The following FRMD4A variants were observed in gnomAD, a reference collection of about 807,000 sequenced individuals.
FRMD4A encodes the protein FERM domain containing 4A, also known as FERM domain-containing protein 4A.
FRMD4A carries 29 observed loss-of-function variants against 129.1 expected under a neutral mutation model. That is an observed-to-expected ratio of 0.22 (90% CI 0.17 to 0.31). The LOEUF is 0.31. Ranked by LOEUF, FRMD4A falls within the 10% of genes least tolerant of loss-of-function variation. The pLI is 1.00. For synonymous variants in FRMD4A, 634 were observed against 571.6 expected (o/e 1.11, Z -1.56); for missense variants, 1,272 against 1,375.8 (o/e 0.92, Z 1.19).
chr10:13,951,046 A>G (rs566782308), intron 2 of FRMD4A, among the ~76,000 whole-genome samples: 2 of 152,336 alleles, frequency 1.3e-5, no homozygotes, highest in East Asian at 1.9e-4. Context: ...AAGAGAAACT[A>G]GCAATGAGAA....
intron 2 of FRMD4A, among the ~76,000 whole-genome samples, chr10:14,072,368 G>A (rs896696410): frequency 2.2e-4 from 34 of 152,178 alleles, no homozygotes; most frequent in African/African-American, 6.3e-4. Context: ...AACAACCGTG[G>A]CTATACCATT....
At chr10:14,120,427 G>A (rs1422469805) in intron 2 of FRMD4A, among the ~76,000 whole-genome samples, 3 of 152,096 alleles carry the variant, frequency 2.0e-5, no homozygotes, top group East Asian at 1.9e-4. Context: ...TAGATGCCAA[G>A]CTTCTTGGTA....
chr10:13,968,890 C>G (rs2095501300), intron 2 of FRMD4A, among the ~76,000 whole-genome samples: 1 of 152,154 alleles, frequency 6.6e-6, no homozygotes, highest in Non-Finnish European at 1.5e-5. Context: ...GGTAGCTGCT[C>G]TCTGCACTTT....
chr10:14,157,070 G>C (rs1013264895), intron 2 of FRMD4A, among the ~76,000 whole-genome samples: 6 of 152,150 alleles, frequency 3.9e-5, no homozygotes, highest in African/African-American at 1.4e-4. Context: ...ACAGAGCCTG[G>C]GGGTTCAGGT....
At chr10:13,887,203 C>T (rs150896153) in intron 2 of FRMD4A, among the ~76,000 whole-genome samples, 30 of 152,330 alleles carry the variant, frequency 2.0e-4, no homozygotes, top group African/African-American at 6.7e-4. Context: ...CAAACTGAGA[C>T]TACCACTCAT....
At chr10:13,828,011 C>T (rs1479821321) in intron 3 of FRMD4A, among the ~76,000 whole-genome samples, 2 of 152,238 alleles carry the variant, frequency 1.3e-5, no homozygotes, top group East Asian at 3.8e-4. Context: ...AGCTGCCTTG[C>T]TCAGCTGCTC....
At chr10:14,007,953 A>G (rs2095667808) in intron 2 of FRMD4A, 6 of 1,235,054 alleles carry the variant, frequency 4.9e-6, no homozygotes, top group African/African-American at 1.6e-5. Flanking sequence ...AGGAACTCCA[A>G]CTGTTCAGGA....
intron 2 of FRMD4A, among the ~76,000 whole-genome samples, chr10:13,891,987 A>C (rs1204561858): frequency 1.4e-5 from 2 of 143,794 alleles, no homozygotes; most frequent in African/African-American, 5.2e-5. Flanking sequence ...CGCCGCCGCC[A>C]CCGCCCGCCG....
At chr10:14,302,284 C>G (rs1281862519) in intron 2 of FRMD4A, among the ~76,000 whole-genome samples, 1 of 152,152 alleles carries the variant, frequency 6.6e-6, no homozygotes, top group Non-Finnish European at 1.5e-5. Flanking sequence ...CAAGTTGTAA[C>G]TGTTAAGAAC....
At chr10:14,078,689 G>A (rs991408178) in intron 2 of FRMD4A, among the ~76,000 whole-genome samples, 7 of 152,136 alleles carry the variant, frequency 4.6e-5, no homozygotes, top group Admixed American at 3.9e-4. Flanking sequence ...TAGGATGGAT[G>A]AAAAAAACGA....
intron 2 of FRMD4A, among the ~76,000 whole-genome samples, chr10:14,270,014 G>A (rs1845109261): frequency 1.3e-5 from 2 of 152,234 alleles, no homozygotes; most frequent in African/African-American, 2.4e-5. Flanking sequence ...CTGGAGCTGC[G>A]GCACCCATCT....
At chr10:13,851,853 T>C (rs1277781006) in intron 3 of FRMD4A, among the ~76,000 whole-genome samples, 2 of 150,878 alleles carry the variant, frequency 1.3e-5, no homozygotes, top group African/African-American at 2.4e-5. Context: ...TGAGCTGAGA[T>C]TGCACCACTT....
intron 14 of FRMD4A, among the ~76,000 whole-genome samples, chr10:13,695,541 TTTC>T (rs2086140732): frequency 1.3e-5 from 2 of 152,320 alleles, no homozygotes; most frequent in East Asian, 1.9e-4. Context: ...GTTTGCTTGT[TTTC>T]TTCTTCAGGA....
chr10:14,255,426 T>C (rs538109402), intron 2 of FRMD4A, among the ~76,000 whole-genome samples: 31 of 152,258 alleles, frequency 2.0e-4, no homozygotes, highest in African/African-American at 5.8e-4. Context: ...TATTAAAATA[T>C]GGTATCAAAA....
intron 2 of FRMD4A, among the ~76,000 whole-genome samples, chr10:14,203,434 T>C (rs925664612): frequency 6.6e-6 from 1 of 152,188 alleles, no homozygotes; most frequent in African/African-American, 2.4e-5. Context: ...CCAATGAACA[T>C]TTGACTGAAG....
intron 15 of FRMD4A, among the ~76,000 whole-genome samples, chr10:13,676,198 C>T (rs929889411): frequency 2.0e-5 from 3 of 151,988 alleles, no homozygotes; most frequent in Admixed American, 2.0e-4. Flanking sequence ...CTTTTTCTAC[C>T]TTGATGGGTT....
chr10:14,066,252 A>G (rs187125514), intron 2 of FRMD4A, among the ~76,000 whole-genome samples: 3 of 150,792 alleles, frequency 2.0e-5, no homozygotes, highest in Non-Finnish European at 2.9e-5. Flanking sequence ...GAAGCTATTT[A>G]CTGTCACCTG....
chr10:13,832,085 G>T (rs2093798235), intron 3 of FRMD4A, among the ~76,000 whole-genome samples: 1 of 152,102 alleles, frequency 6.6e-6, no homozygotes, highest in Non-Finnish European at 1.5e-5. Flanking sequence ...TGAGTGAGGT[G>T]GGCTCTGATG....
intron 6 of FRMD4A, among the ~76,000 whole-genome samples, chr10:13,782,038 A>G (rs555269784): frequency 1.3e-5 from 2 of 152,282 alleles, no homozygotes; most frequent in South Asian, 4.1e-4. Flanking sequence ...CAACTAAAGA[A>G]CTTACTCATG....
Sources: allele counts gnomAD v4.1 joint callset (sites outside exome capture counted in the v4.1 genomes callset), GRCh38; gene constraint gnomAD v4.1.1; transcripts MANE v1.5; gene names NCBI Gene and HGNC (gene_info 2026-07-23, HGNC 2026-07-21).